Variants in STC1 observed in about 807,000 individuals in gnomAD.
STC1 encodes stanniocalcin-1.
STC1 carries 7 observed loss-of-function variants against 22.6 expected under a neutral mutation model. The ratio of observed to expected loss-of-function variants is 0.31; its 90% CI spans 0.18 to 0.58. The LOEUF is 0.58. STC1 is among the 20% of genes least tolerant of loss of function. STC1 has a pLI of 0.89. For synonymous variants in STC1, 113 were observed against 120.7 expected, an observed-to-expected ratio of 0.94 and a Z score of 0.42; for missense variants, 224 against 311.0, an observed-to-expected ratio of 0.72 and a Z score of 2.10.
At position 23,854,658 on chromosome 8, in the gene STC1, T is replaced by G. The variant is rs1802677903; in HGVS notation, c.-135A>C. On this transcript the variant is annotated 5_prime_UTR_variant, in exon 1 of 4. Transcript: ENST00000290271. Reference sequence around the variant, plus strand: ...TTAGGTGAGGATTTGATGAGGATTTTTTTTTGTTGTTGTTGCTGGTGATGC... The same window carrying G: ...TTAGGTGAGGATTTGATGAGGATTTGTTTTTGTTGTTGTTGCTGGTGATGC... 3 of 855,098 alleles carry G rather than the reference T, an allele frequency of 3.5e-6. No individual in the cohort carries two copies. In the Admixed American group the frequency reaches 5.5e-5, roughly 16 times the overall value. The allele number at this position is 855,098 out of a possible 1,614,324, so 53.0% of individuals were successfully genotyped here.
rs28480047 is a variant in STC1 at position 23,843,072 on chromosome 8, C to T, written c.*1698G>A. The T allele has an allele frequency of 0.065, 9,967 of 152,674 alleles. 411 individuals are homozygous for T. The highest frequency in any genetic ancestry group is 0.085 in the Middle Eastern group (25 of 294). 9.5% of individuals were successfully genotyped at this position (152,674 alleles called of 1,614,324 possible). A position where few individuals can be genotyped will look rare whatever the true frequency, so the allele number is the denominator to read the frequency against. ...CAAGCACCAATAGTTTCTACCTAAG[C>T]GAGTTTGGAGTGGCCCCTGCAGTCC... On this transcript the variant is annotated 3_prime_UTR_variant, in exon 4 of 4. Coordinates refer to ENST00000290271, the MANE Select transcript of STC1 (RefSeq NM_003155.3).
chr8:23,848,769 C>T (rs1351145708), intron 3 of STC1, among the ~76,000 whole-genome samples: 1 of 151,912 alleles, frequency 6.6e-6, no homozygotes, highest in Non-Finnish European at 1.5e-5. Flanking sequence ...GCCATGCTTA[C>T]CCAAATACAC....
Position 23,844,709 on chromosome 8 carries a change from GGT to G in STC1, c.*59_*60del. 1 of 1,573,428 alleles carries G rather than the reference GGT, an allele frequency of 6.4e-7. No individual in the cohort carries two copies. The highest frequency in any genetic ancestry group is 2.3e-5 in the East Asian group (1 of 44,220). ...AACCAGGCACAGTACACTCAAAACTGGTGTGTCAACACCCCTAAAATGATACT... is the reference window on the plus strand; with the variant it reads ...AACCAGGCACAGTACACTCAAAACTGGTGTCAACACCCCTAAAATGATACT... On this transcript the variant is annotated 3_prime_UTR_variant, in exon 4 of 4. Transcript: ENST00000290271.
intron 3 of STC1, 128 bp downstream of exon 3, chr8:23,851,192 G>T: frequency 1.1e-6 from 1 of 904,908 alleles, no homozygotes; most frequent in Non-Finnish European, 1.8e-6. Flanking sequence ...TCCTGCAAAA[G>T]CTGGGAAGAC....
intron 3 of STC1, among the ~76,000 whole-genome samples, chr8:23,850,608 G>A (rs1426730020): frequency 6.6e-6 from 1 of 152,156 alleles, no homozygotes; most frequent in East Asian, 1.9e-4. Flanking sequence ...ATGCCCAGAT[G>A]TTACTGTACT....
At chr8:23,846,306 C>T (rs1018046335) in intron 3 of STC1, among the ~76,000 whole-genome samples, 2 of 152,108 alleles carry the variant, frequency 1.3e-5, no homozygotes, top group African/African-American at 4.8e-5. Context: ...GAAGACAGTT[C>T]AGGTATTATC....
chr8:23,854,704 C>T lies in STC1; in HGVS notation c.-181G>A, dbSNP rs1189505300. 5.7e-6 allele frequency: 4 copies of T among 703,052 alleles called. No individual in the cohort carries two copies. The highest frequency in any genetic ancestry group is 1.8e-5 in the African/African-American group (1 of 56,242). 43.6% of individuals were successfully genotyped at this position (703,052 alleles called of 1,614,324 possible). A position where few individuals can be genotyped will look rare whatever the true frequency, so the allele number is the denominator to read the frequency against. On this transcript the variant is annotated 5_prime_UTR_variant, in exon 1 of 4. Transcript: ENST00000290271. ...GATGCTGCTGCTGCCACCGGTGCCT[C>T]CGCTGCTGCTGCTGCTGCCGCCGCT...
rs921490505 is a variant in STC1, at chr8:23,843,845, G to A, written c.*925C>T. On this transcript the variant is annotated 3_prime_UTR_variant, in exon 4 of 4. Transcript: ENST00000290271. ...AATTAAAACTACTTCTACCCCCTTA[G>A]TTATAAAAAAGGCCACAAGGAGCAT... 2.0e-5 allele frequency: 3 copies of A among 152,466 alleles called. No homozygotes were observed. Among genetic ancestry groups the A allele is most frequent in the Non-Finnish European group, 4.4e-5 (3 of 68,030 alleles). 9.4% of individuals were successfully genotyped at this position (152,466 alleles called of 1,614,324 possible).
intron 3 of STC1, among the ~76,000 whole-genome samples, chr8:23,849,671 G>T (rs917759092): frequency 2.0e-5 from 3 of 151,984 alleles, no homozygotes; most frequent in African/African-American, 7.2e-5. Flanking sequence ...GATTAGTATC[G>T]CCTCAAAATT....
Position 23,844,517 on chromosome 8 carries a change from G to A in STC1, c.*253C>T, listed in dbSNP as rs549238104. 1 of 511,626 alleles carries A rather than the reference G, an allele frequency of 2.0e-6. No homozygotes were observed. The highest frequency in any genetic ancestry group is 3.3e-5 in the East Asian group (1 of 29,974). 31.7% of individuals were successfully genotyped at this position (511,626 alleles called of 1,614,324 possible). A position where few individuals can be genotyped will look rare whatever the true frequency, so the allele number is the denominator to read the frequency against. ...GCAGGGGAAAAACATGGCAGAGGAA[G>A]TTGGTAAAAGAGGGTACTTTCTCCT... On this transcript the variant is annotated 3_prime_UTR_variant, in exon 4 of 4. Coordinates refer to ENST00000290271, the MANE Select transcript of STC1 (RefSeq NM_003155.3).
Position 23,842,039 on chromosome 8 carries a change from T to A in STC1, c.*2731A>T, listed in dbSNP as rs970310489. 1.3e-5 allele frequency: 2 copies of A among 152,642 alleles called. No homozygotes were observed. Among genetic ancestry groups the A allele is most frequent in the Non-Finnish European group, 2.9e-5 (2 of 68,030 alleles). 9.5% of individuals were successfully genotyped at this position (152,642 alleles called of 1,614,324 possible). ...AAATAAGCAAATAAAATAACTTGCA[T>A]CTGTCATTACCATGATATGTTTCAT... is the stretch of plus-strand genomic sequence containing the variant. On this transcript the variant is annotated 3_prime_UTR_variant, in exon 4 of 4. Transcript: ENST00000290271.
At position 23,854,744 on chromosome 8, in the gene STC1, CACCGCCGCTGCTGCTGCTGCT is replaced by C. The variant is rs2117747708; in HGVS notation, c.-242_-222del. 1.6e-6 allele frequency: 1 copy of C among 610,040 alleles called. No homozygotes were observed. The highest frequency in any genetic ancestry group is 3.3e-5 in the East Asian group (1 of 30,626). 37.8% of individuals were successfully genotyped at this position (610,040 alleles called of 1,614,324 possible). A position where few individuals can be genotyped will look rare whatever the true frequency, so the allele number is the denominator to read the frequency against. ...CTGCCGCCGCTGCTGCTGCTGCTGC[CACCGCCGCTGCTGCTGCTGCT>C]GCTGCAGTCGCTGCTTCTTGCACCT... On this transcript the variant is annotated 5_prime_UTR_variant, in exon 1 of 4. Transcript: ENST00000290271.
In STC1 at chr8:23,851,382, G is replaced by C; in HGVS notation, c.411C>G (p.Ile137Met). 1.2e-6 allele frequency: 2 copies of C among 1,614,126 alleles called. No homozygotes were observed. The highest frequency in any genetic ancestry group is 8.5e-7 in the Non-Finnish European group (1 of 1,180,032). Residue 137 changes from isoleucine (I) to methionine (M), a missense_variant, in exon 3 of 4, where the codon ATC becomes ATG. Ile to Met is a conservative substitution (Grantham distance 10). Coordinates refer to ENST00000290271, the MANE Select transcript of STC1 (RefSeq NM_003155.3). The part of the protein sequence containing the change: ...ECYSKLNVCS[I>M]AKRNPEAITE... Reference sequence around the variant, plus strand: ...TGATGGCTTCAGGGTTCCGCTTGGCGATGCTGCACACATTCAGCTTGCTGT... The same window carrying C: ...TGATGGCTTCAGGGTTCCGCTTGGCCATGCTGCACACATTCAGCTTGCTGT...
rs779556723 is a variant in STC1, at chr8:23,854,476, A to G, written c.48T>C (p.Ser16=). 1.9e-6 allele frequency: 3 copies of G among 1,613,894 alleles called. No homozygotes were observed. Among genetic ancestry groups the G allele is most frequent in the Middle Eastern group, 1.7e-4 (1 of 6,056 alleles). ...AVLLVLVISA[S]ATHEAEQNDS... is the part of the protein sequence containing the mutation. Reference sequence around the variant, plus strand: ...CATTCTGCTCCGCCTCATGGGTTGCAGAAGCACTGATCACCAGCACCAGAA... The same window carrying G: ...CATTCTGCTCCGCCTCATGGGTTGCGGAAGCACTGATCACCAGCACCAGAA... The change falls in exon 1 of 4, where the codon TCT becomes TCC. Residue 16 remains serine, a synonymous_variant. Transcript: ENST00000290271.
At chr8:23,850,375 CAT>C (rs1802623759) in intron 3 of STC1, among the ~76,000 whole-genome samples, 1 of 152,120 alleles carries the variant, frequency 6.6e-6, no homozygotes, top group African/African-American at 2.4e-5. Flanking sequence ...GTCAAAGAAT[CAT>C]AGAAATTCAA....
chr8:23,850,758 A>C (rs930263902), intron 3 of STC1, among the ~76,000 whole-genome samples: 1 of 152,180 alleles, frequency 6.6e-6, no homozygotes, highest in Non-Finnish European at 1.5e-5. Flanking sequence ...AAAATGGTCC[A>C]GTCCAGCCAT....
At chr8:23,854,254 C>A in intron 1 of STC1, 152 bp downstream of exon 1, 1 of 941,182 alleles carries the variant, frequency 1.1e-6, no homozygotes, top group Non-Finnish European at 1.6e-6. Flanking sequence ...GCTCCACTGC[C>A]TAAGGCTATT....
Position 23,848,529 on chromosome 8 carries a change from C to CAA in STC1, c.473+2789_473+2790dup, listed in dbSNP as rs796433655. Among the ~76,000 whole-genome samples the CAA allele has an allele frequency of 3.3e-3, 207 of 63,588 alleles. 4 individuals carry two copies. The highest frequency in any genetic ancestry group is 0.023 in the Middle Eastern group (2 of 88). 41.7% of individuals were successfully genotyped at this position (63,588 alleles called of 152,430 possible). A position where few individuals can be genotyped will look rare whatever the true frequency, so the allele number is the denominator to read the frequency against. On this transcript the variant is annotated intron_variant, in intron 3 of 3. Transcript: ENST00000290271. ...CCTGGGCAACAGAGCGATACTCTGTCAAAAAAAAAAAAAAAAAAAAAAAAA... is the reference window on the plus strand; with the variant it reads ...CCTGGGCAACAGAGCGATACTCTGTCAAAAAAAAAAAAAAAAAAAAAAAAAAA...
Position 23,854,722 on chromosome 8 carries a change from C to A in STC1, c.-199G>T. 1 of 671,124 alleles carries A rather than the reference C, an allele frequency of 1.5e-6. No homozygotes were observed. 41.6% of individuals were successfully genotyped at this position (671,124 alleles called of 1,614,324 possible). On this transcript the variant is annotated 5_prime_UTR_variant, in exon 1 of 4. Transcript: ENST00000290271. ...GGTGCCTCCGCTGCTGCTGCTGCTG[C>A]CGCCGCTGCTGCTGCTGCTGCCACC...
Sources: allele counts gnomAD v4.1 joint callset (sites outside exome capture counted in the v4.1 genomes callset), GRCh38; gene constraint gnomAD v4.1.1; transcripts MANE v1.5; gene names NCBI Gene and HGNC (gene_info 2026-07-23, HGNC 2026-07-21).